The following WDPCP variants were observed in gnomAD, a reference collection of about 807,000 sequenced individuals.
WDPCP encodes the protein WD repeat containing planar cell polarity effector, also known as WD repeat-containing and planar cell polarity effector protein fritz homolog.
In WDPCP, 71 loss-of-function variants were observed where a neutral mutation model predicts 93.1. That is an observed-to-expected ratio of 0.76 (90% CI 0.63 to 0.93). The LOEUF (loss-of-function observed/expected upper bound fraction) is 0.93, where lower values mean the gene tolerates loss of function less well. Among genes scored for constraint, WDPCP ranks in the 40% least tolerant of loss-of-function variants. The probability of loss-of-function intolerance (pLI) is 0.00; values close to 1 mark genes in which losing one functional copy is unlikely to be tolerated. For synonymous variants in WDPCP, 315 were observed against 315.0 expected (o/e 1.00, Z 0.00); for missense variants, 844 against 887.4 (o/e 0.95, Z 0.62).
At chr2:63,239,237 G>A (rs955272624) in intron 14 of WDPCP, among the ~76,000 whole-genome samples, 1 of 151,892 alleles carries the variant, frequency 6.6e-6, no homozygotes, top group Non-Finnish European at 1.5e-5. Flanking sequence ...TTTTTGAGAC[G>A]GAGTCTCGCT....
chr2:63,504,341 T>C (rs988430185), intron 1 of WDPCP, among the ~76,000 whole-genome samples: 1 of 151,142 alleles, frequency 6.6e-6, no homozygotes, highest in African/African-American at 2.4e-5. Flanking sequence ...TGTGTGTGTG[T>C]GTGTGTGTGT....
chr2:63,651,443 T>C (rs1710108090), intron 2 of WDPCP, among the ~76,000 whole-genome samples: 1 of 130,776 alleles, frequency 7.6e-6, no homozygotes, highest in Admixed American at 8.1e-5. Flanking sequence ...ATCTATTTTA[T>C]ATGTGTGTAC....
chr2:63,665,475 A>T (rs904162895), intron 2 of WDPCP, among the ~76,000 whole-genome samples: 5 of 152,180 alleles, frequency 3.3e-5, no homozygotes, highest in Admixed American at 3.3e-4. Flanking sequence ...ATGGGGGTCC[A>T]CCCTATTCCA....
chr2:63,185,788 G>C (rs1043149976), intron 14 of WDPCP, among the ~76,000 whole-genome samples: 3 of 152,142 alleles, frequency 2.0e-5, no homozygotes, highest in African/African-American at 7.2e-5. Context: ...AAACTCTCCA[G>C]TGTCCCAGGC....
In WDPCP at chr2:63,259,506, A is replaced by C. The variant is rs911597994; in HGVS notation, c.1813-97T>G. The C allele has an allele frequency of 4.3e-5, 41 of 964,380 alleles. No individual in the cohort carries two copies. The Admixed American group carries it at 6.5e-4, about 15-fold the overall frequency. The allele number at this position is 964,380 out of a possible 1,614,324, so 59.7% of individuals were successfully genotyped here. A position where few individuals can be genotyped will look rare whatever the true frequency, so the allele number is the denominator to read the frequency against. On this transcript the variant is annotated intron_variant, in intron 13 of 17. Coordinates refer to ENST00000272321, the MANE Select transcript of WDPCP (RefSeq NM_015910.7). ...GGAAACTTATTGTCCAGATTACAAA[A>C]TAGAAACAGTTTGTAAATATTCTTT...
At chr2:63,200,769 G>A (rs756568819) in intron 14 of WDPCP, among the ~76,000 whole-genome samples, 8 of 151,976 alleles carry the variant, frequency 5.3e-5, no homozygotes, top group East Asian at 1.9e-4. Flanking sequence ...GGGTATCTAC[G>A]GTAAAAAATA....
At chr2:63,599,313 A>G in intron 3 of WDPCP, 2 of 1,600,434 alleles carry the variant, frequency 1.2e-6, no homozygotes, top group Non-Finnish European at 1.7e-6. Flanking sequence ...TATATTTTAA[A>G]TCTTGTGGTT....
At chr2:63,575,483 A>ATGCACTGTATGTACAG (rs1428295555) in intron 1 of WDPCP, among the ~76,000 whole-genome samples, 1 of 94,884 alleles carries the variant, frequency 1.1e-5, no homozygotes, top group Non-Finnish European at 2.2e-5. Context: ...TATACAGTGT[A>ATGCACTGTATGTACAG]TATATAGTAT....
At chr2:63,622,174 G>C (rs1575732041) in intron 3 of WDPCP, 2 of 1,586,552 alleles carry the variant, frequency 1.3e-6, no homozygotes, top group East Asian at 4.6e-5. Flanking sequence ...TGGTGGGCTG[G>C]CTACACAAAC....
intron 13 of WDPCP, among the ~76,000 whole-genome samples, chr2:63,280,242 G>A (rs1428044577): frequency 6.6e-6 from 1 of 152,274 alleles, no homozygotes; most frequent in Non-Finnish European, 1.5e-5. Flanking sequence ...ATATGGCTGG[G>A]GAGGCCTCAG....
intron 6 of WDPCP, among the ~76,000 whole-genome samples, chr2:63,459,780 G>A (rs1289696085): frequency 6.6e-6 from 1 of 151,554 alleles, no homozygotes; most frequent in African/African-American, 2.4e-5. Context: ...AGCCAGAAGT[G>A]GTGGCATGTG....
intron 12 of WDPCP, among the ~76,000 whole-genome samples, chr2:63,339,247 C>T (rs1253377667): frequency 6.6e-6 from 1 of 152,108 alleles, no homozygotes; most frequent in Non-Finnish European, 1.5e-5. Flanking sequence ...AATCTCAGCT[C>T]ACTTCAACCT....
At chr2:63,189,991 GA>G in intron 14 of WDPCP, among the ~76,000 whole-genome samples, 1 of 152,150 alleles carries the variant, frequency 6.6e-6, no homozygotes, top group Non-Finnish European at 1.5e-5. Flanking sequence ...AACATTTATT[GA>G]AGGTCTATTT....
At chr2:63,343,366 T>C (rs1688982978) in intron 12 of WDPCP, among the ~76,000 whole-genome samples, 2 of 152,172 alleles carry the variant, frequency 1.3e-5, no homozygotes, top group Admixed American at 6.5e-5. Flanking sequence ...ATGAGAAAAG[T>C]ATCTGTTAAC....
chr2:63,834,117 T>C, the WDPCP span, among the ~76,000 whole-genome samples: 1 of 152,218 alleles, frequency 6.6e-6, no homozygotes, highest in Non-Finnish European at 1.5e-5. Context: ...TTTTCTTTCA[T>C]TATCCTATTA....
chr2:63,235,082 A>C lies in WDPCP; in HGVS notation c.1915+24225T>G, dbSNP rs2104593081. On this transcript the variant is annotated intron_variant, in intron 14 of 17. Coordinates refer to ENST00000272321, the MANE Select transcript of WDPCP (RefSeq NM_015910.7). ...TTGGTTCTTTGAAAGGCTAAGCAGG[A>C]TTAATAGGCCACTAGCTACATTAAC... Among the ~76,000 whole-genome samples, 4 of 152,258 alleles carry C rather than the reference A, an allele frequency of 2.6e-5. 1 individual carries two copies. Among genetic ancestry groups the C allele is most frequent in the Non-Finnish European group, 5.9e-5 (4 of 68,004 alleles).
At chr2:63,465,713 A>G (rs1383452446) in intron 6 of WDPCP, among the ~76,000 whole-genome samples, 1 of 152,230 alleles carries the variant, frequency 6.6e-6, no homozygotes, top group Non-Finnish European at 1.5e-5. Context: ...GACAGGCACC[A>G]CAAAACTTGT....
chr2:63,500,465 G>GTGTT (rs1701482445), intron 1 of WDPCP, among the ~76,000 whole-genome samples: 1 of 151,782 alleles, frequency 6.6e-6, no homozygotes, highest in African/African-American at 2.4e-5. Context: ...GTGTGTGTGT[G>GTGTT]TGTGTGTGTG....
At chr2:63,369,761 G>A (rs1327083303) in intron 12 of WDPCP, among the ~76,000 whole-genome samples, 1 of 152,186 alleles carries the variant, frequency 6.6e-6, no homozygotes, top group East Asian at 1.9e-4. Context: ...AAATGGAACA[G>A]AGTGGGTATT....
Sources: allele counts gnomAD v4.1 joint callset (sites outside exome capture counted in the v4.1 genomes callset), GRCh38; gene constraint gnomAD v4.1.1; transcripts MANE v1.5; gene names NCBI Gene and HGNC (gene_info 2026-07-23, HGNC 2026-07-21).